The following EEF1AKMT2 variants were observed in gnomAD, a reference collection of about 807,000 sequenced individuals.
EEF1AKMT2 encodes eukaryotic translation elongation factor 1 alpha lysine methyltransferase 2.
EEF1AKMT2 carries 32 observed loss-of-function variants against 35.8 expected under a neutral mutation model. That is an observed-to-expected ratio of 0.89 (90% CI 0.67 to 1.20). The LOEUF is 1.20. Ranked by LOEUF, EEF1AKMT2 falls within the 50% of genes most tolerant of loss-of-function variation. EEF1AKMT2 has a pLI of 0.00. For synonymous variants in EEF1AKMT2, 121 were observed against 133.7 expected (o/e 0.91, Z 0.65); for missense variants, 330 against 347.5 (o/e 0.95, Z 0.40).
At chr10:124,787,999 G>C (rs1471097612) in intron 3 of EEF1AKMT2, among the ~76,000 whole-genome samples, 1 of 152,116 alleles carries the variant, frequency 6.6e-6, no homozygotes, top group African/African-American at 2.4e-5. Context: ...TAGCCTAAAT[G>C]CAAAATCGAA....
chr10:124,783,462 A>C lies in EEF1AKMT2; in HGVS notation c.291+5581T>G, dbSNP rs1342773498. 3.3e-5 allele frequency among the ~76,000 whole-genome samples: 5 copies of C among 152,232 alleles called. No individual in the cohort carries two copies. The East Asian group carries it at 9.7e-4, about 29-fold the overall frequency. ...CCCAGCCAAGAATATGGAGAAATTT[A>C]AACTCTCATGTATTGCTGATGGAAA... is the stretch of plus-strand genomic sequence containing the variant. On this transcript the variant is annotated intron_variant, in intron 3 of 6. Transcript: ENST00000368836.
intron 6 of EEF1AKMT2, among the ~76,000 whole-genome samples, chr10:124,761,873 G>C (rs1950334398): frequency 6.6e-6 from 1 of 152,200 alleles, no homozygotes; most frequent in Admixed American, 6.5e-5. Context: ...GGTAAGCCGA[G>C]ATTATCCCAC....
chr10:124,758,329 T>A lies in EEF1AKMT2; in HGVS notation c.*2174A>T, dbSNP rs902336747. ...TTTGTTTCAGGAACCTGGTGACACT[T>A]GCTGGCCTGGTTTTTACAGTTTGGT... On this transcript the variant is annotated 3_prime_UTR_variant, in exon 7 of 7. Transcript: ENST00000368836. The A allele has an allele frequency of 6.6e-6, 1 of 152,190 alleles. No individual in the cohort carries two copies. Among genetic ancestry groups the A allele is most frequent in the African/African-American group, 2.4e-5 (1 of 41,446 alleles). The allele number at this position is 152,190 out of a possible 1,614,324, so 9.4% of individuals were successfully genotyped here.
chr10:124,783,571 G>C (rs1950561330), intron 3 of EEF1AKMT2, among the ~76,000 whole-genome samples: 1 of 152,198 alleles, frequency 6.6e-6, no homozygotes, highest in Admixed American at 6.5e-5. Flanking sequence ...ACTGGCGTAT[G>C]ACCCAGCAAT....
At chr10:124,787,486 C>T (rs145759982) in intron 3 of EEF1AKMT2, among the ~76,000 whole-genome samples, 79 of 148,490 alleles carry the variant, frequency 5.3e-4, no homozygotes, top group Middle Eastern at 3.6e-3. Flanking sequence ...ATAGCACACC[C>T]TAAAGAGTTT....
intron 4 of EEF1AKMT2, among the ~76,000 whole-genome samples, chr10:124,769,400 G>A (rs186396780): frequency 2.0e-5 from 3 of 151,526 alleles, no homozygotes; most frequent in African/African-American, 7.3e-5. Context: ...CAGGTCTGAG[G>A]AGGAAACCAA....
rs763699020 is a variant in EEF1AKMT2 at position 124,765,489 on chromosome 10, A to G, written c.519T>C (p.Tyr173=). The G allele has an allele frequency of 9.3e-6, 15 of 1,614,008 alleles. No homozygotes were observed. The South Asian group carries it at 1.6e-4, about 18-fold the overall frequency. ...TCAACACCCTGGAGAGAGATTTCAC[A>G]TATTGCTTCCTCTTCTCAATTGCAT... ...PDNAIEKRKQ[Y]VKSLSRVLKV... is the part of the protein sequence containing the mutation. The change falls in exon 5 of 7, where the codon TAT becomes TAC. Residue 173 remains tyrosine, a synonymous_variant. Coordinates refer to ENST00000368836, the MANE Select transcript of EEF1AKMT2 (RefSeq NM_212554.4).
intron 4 of EEF1AKMT2, among the ~76,000 whole-genome samples, chr10:124,767,159 T>A (rs1950385261): frequency 1.5e-5 from 2 of 132,392 alleles, no homozygotes; most frequent in Non-Finnish European, 1.5e-5. Flanking sequence ...AGACTCCATC[T>A]TAAAAAAAAA....
At chr10:124,761,477 G>A (rs1048657169) in intron 6 of EEF1AKMT2, among the ~76,000 whole-genome samples, 2 of 151,696 alleles carry the variant, frequency 1.3e-5, no homozygotes, top group Non-Finnish European at 2.9e-5. Context: ...CAAACTAAAC[G>A]AACTAATAAA....
intron 4 of EEF1AKMT2, among the ~76,000 whole-genome samples, chr10:124,768,857 A>G (rs1372327249): frequency 6.6e-6 from 1 of 152,128 alleles, no homozygotes; most frequent in Non-Finnish European, 1.5e-5. Flanking sequence ...TAGTAGTTTA[A>G]ACAAGAAATA....
At chr10:124,782,749 G>A (rs1038613979) in intron 3 of EEF1AKMT2, among the ~76,000 whole-genome samples, 1 of 149,912 alleles carries the variant, frequency 6.7e-6, no homozygotes, top group African/African-American at 2.5e-5. Context: ...GGAGGTGGAG[G>A]TTGCAGTGAG....
intron 4 of EEF1AKMT2, among the ~76,000 whole-genome samples, chr10:124,766,951 G>A (rs1047740207): frequency 1.3e-5 from 2 of 151,728 alleles, no homozygotes; most frequent in Admixed American, 6.6e-5. Context: ...CACGAGGTCA[G>A]GAGATCAAGA....
rs79580244 is a variant in EEF1AKMT2, at chr10:124,784,339, G to A, written c.291+4704C>T. ...AATTAAACAAATTTCTAAATAACTCGTGGATTAAAAAAAATTAGAAAAATT... is the reference window on the plus strand; with the variant it reads ...AATTAAACAAATTTCTAAATAACTCATGGATTAAAAAAAATTAGAAAAATT... On this transcript the variant is annotated intron_variant, in intron 3 of 6. Transcript: ENST00000368836. Among the ~76,000 whole-genome samples the A allele has an allele frequency of 1.7e-3, 255 of 151,364 alleles. 4 individuals are homozygous for A. The East Asian group carries it at 0.035, about 21-fold the overall frequency.
intron 2 of EEF1AKMT2, 149 bp downstream of exon 2, chr10:124,790,124 A>G: frequency 5.2e-6 from 3 of 578,582 alleles, no homozygotes; most frequent in Non-Finnish European, 9.5e-6. Flanking sequence ...CTATCTCCTG[A>G]CCTCGTGATC....
intron 3 of EEF1AKMT2, 52 bp from the exon 4 acceptor site, chr10:124,774,834 G>T: frequency 1.1e-6 from 1 of 875,464 alleles, no homozygotes; most frequent in South Asian, 2.5e-5. Context: ...ATAATGTTTT[G>T]TTTATGAATT....
chr10:124,771,829 A>T (rs900408092), intron 4 of EEF1AKMT2, among the ~76,000 whole-genome samples: 1 of 152,168 alleles, frequency 6.6e-6, no homozygotes. Flanking sequence ...AGATCGAGTC[A>T]CTACACTCCA....
intron 3 of EEF1AKMT2, among the ~76,000 whole-genome samples, chr10:124,784,269 T>C (rs1950566185): frequency 6.6e-6 from 1 of 152,042 alleles, no homozygotes; most frequent in Admixed American, 6.6e-5. Context: ...AATTAGACTA[T>C]AAATCTGTAC....
At chr10:124,778,603 A>C (rs140541521) in intron 3 of EEF1AKMT2, among the ~76,000 whole-genome samples, 7,695 of 152,124 alleles carry the variant, frequency 0.051, 627 homozygotes, top group African/African-American at 0.17. Flanking sequence ...ACATGCCTGT[A>C]ATCCCAGCTA....
At chr10:124,769,809 T>G (rs1036744269) in intron 4 of EEF1AKMT2, among the ~76,000 whole-genome samples, 2 of 151,168 alleles carry the variant, frequency 1.3e-5, no homozygotes, top group African/African-American at 4.9e-5. Context: ...TAGCCGGGCA[T>G]GGTGGCACAT....
Sources: gnomAD v4.1 joint callset for allele counts (sites outside exome capture counted in the v4.1 genomes callset) on GRCh38, gnomAD v4.1.1 for gene constraint, MANE v1.5 for transcripts, NCBI Gene and HGNC (gene_info 2026-07-23, HGNC 2026-07-21) for gene names.